The following SPEF2 variants were observed in gnomAD, a reference collection of about 807,000 sequenced individuals.
The protein encoded by SPEF2 is sperm flagella and cilia-associated protein 2.
A neutral mutation model predicts 224.6 loss-of-function variants in SPEF2; 187 were observed. That is an observed-to-expected ratio of 0.83 (90% CI 0.74 to 0.94). The LOEUF is 0.94. SPEF2 is among the 40% of genes least tolerant of loss of function. The pLI is 0.00. For synonymous variants in SPEF2, 715 were observed against 707.3 expected (o/e 1.01, Z -0.17); for missense variants, 2,170 against 2,135.6 (o/e 1.02, Z -0.32).
In SPEF2 at chr5:35,705,685, G is replaced by A; in HGVS notation, c.2542G>A (p.Glu848Lys). Residue 848 changes from glutamate to lysine, a missense_variant, in exon 18 of 37, where the codon GAG (glutamate) becomes AAG (lysine). Transcript: ENST00000356031. ...IGFLDNWPLL[E>K]QWFSEPENIL... The stretch of plus-strand genomic sequence containing the variant: ...CTTCTTGGACAACTGGCCTTTATTG[G>A]AGCAATGGTTTTCAGAGCCAGAAAA... 1.3e-6 allele frequency: 2 copies of A among 1,592,602 alleles called. No individual in the cohort carries two copies. Among genetic ancestry groups the A allele is most frequent in the Non-Finnish European group, 1.7e-6 (2 of 1,173,750 alleles).
chr5:35,790,243 C>T, intron 30 of SPEF2: 1 of 662,190 alleles, frequency 1.5e-6, no homozygotes, highest in Middle Eastern at 2.6e-4. Flanking sequence ...CAGTTGAATT[C>T]TCCAGACATT....
rs1259669970 is a variant in SPEF2, at chr5:35,759,732, A to G, written c.3620+13A>G. On this transcript the variant is annotated intron_variant, in intron 25 of 36. Coordinates refer to ENST00000356031, the MANE Select transcript of SPEF2 (RefSeq NM_024867.4). ...AAAGCCAGCTTAGGTAAGGCAGGCT[A>G]TTATATCACACTGTAATTGTTTTGA... The G allele has an allele frequency of 6.5e-7, 1 of 1,543,758 alleles. No individual in the cohort carries two copies. The highest frequency in any genetic ancestry group is 1.8e-5 in the Admixed American group (1 of 56,194).
intron 34 of SPEF2, among the ~76,000 whole-genome samples, chr5:35,803,309 A>G (rs1256928110): frequency 6.6e-6 from 1 of 152,218 alleles, no homozygotes; most frequent in Non-Finnish European, 1.5e-5. Context: ...TGAGGCTGGC[A>G]GCCAGGCTAG....
intron 34 of SPEF2, among the ~76,000 whole-genome samples, chr5:35,805,429 G>A (rs937055480): frequency 6.6e-6 from 1 of 152,062 alleles, no homozygotes; most frequent in Non-Finnish European, 1.5e-5. Context: ...TTAGAAAGAG[G>A]TTGCACAATC....
At chr5:35,715,117 A>C (rs1742281237) in intron 20 of SPEF2, among the ~76,000 whole-genome samples, 2 of 151,956 alleles carry the variant, frequency 1.3e-5, no homozygotes, top group African/African-American at 2.4e-5. Context: ...GGGTTTCAGC[A>C]TGTTGCCCAA....
chr5:35,741,742 C>A (rs1747681064), intron 23 of SPEF2, among the ~76,000 whole-genome samples: 1 of 152,160 alleles, frequency 6.6e-6, no homozygotes, highest in South Asian at 2.1e-4. Flanking sequence ...TTCAAATGTC[C>A]TGGTAAAATT....
chr5:35,698,004 A>T, intron 15 of SPEF2: 1 of 380,042 alleles, frequency 2.6e-6, no homozygotes, highest in Non-Finnish European at 4.7e-6. Flanking sequence ...GACTTCTTTT[A>T]CCCAGATGTG....
chr5:35,698,987 G>A (rs1428024138), intron 15 of SPEF2: 1 of 152,106 alleles, frequency 6.6e-6, no homozygotes, highest in Non-Finnish European at 1.5e-5. Context: ...CCAAGCTCTG[G>A]ACAAGTTATA....
At chr5:35,754,396 G>A (rs1471950325) in intron 24 of SPEF2, among the ~76,000 whole-genome samples, 1 of 152,166 alleles carries the variant, frequency 6.6e-6, no homozygotes, top group Non-Finnish European at 1.5e-5. Context: ...GTAGGTTAGA[G>A]GGTATGGGTC....
chr5:35,811,215 A>G (rs1758511729), intron 36 of SPEF2, among the ~76,000 whole-genome samples: 3 of 152,208 alleles, frequency 2.0e-5, no homozygotes. Flanking sequence ...ATCCATGTAC[A>G]AGTAAATAGA....
At chr5:35,635,084 G>T (rs755116098) in intron 2 of SPEF2, among the ~76,000 whole-genome samples, 20 of 151,876 alleles carry the variant, frequency 1.3e-4, no homozygotes, top group Non-Finnish European at 1.9e-4. Flanking sequence ...GATTAGAGTG[G>T]ATGTATGTGT....
chr5:35,705,304 C>T (rs1397354137), intron 17 of SPEF2, among the ~76,000 whole-genome samples: 1 of 151,888 alleles, frequency 6.6e-6, no homozygotes, highest in African/African-American at 2.4e-5. Context: ...AAATAGATGG[C>T]CTAGGTGCAT....
chr5:35,647,398 T>C (rs570101778), intron 5 of SPEF2, among the ~76,000 whole-genome samples: 108 of 151,750 alleles, frequency 7.1e-4, no homozygotes, highest in Non-Finnish European at 1.1e-3. Context: ...TGGGAATTGA[T>C]AGAGTCAGAA....
intron 36 of SPEF2, chr5:35,807,728 C>G (rs1410236048): frequency 6.5e-7 from 1 of 1,536,020 alleles, no homozygotes; most frequent in Non-Finnish European, 8.7e-7. Flanking sequence ...GATGGAGAAA[C>G]TAAGGACAAA....
chr5:35,811,264 T>A (rs1007846914), intron 36 of SPEF2, among the ~76,000 whole-genome samples: 2 of 152,124 alleles, frequency 1.3e-5, no homozygotes, highest in Non-Finnish European at 2.9e-5. Flanking sequence ...AGTGATGTCA[T>A]CTGAAGATCT....
At chr5:35,790,582 T>C (rs1755810763) in intron 30 of SPEF2, 2 of 362,758 alleles carry the variant, frequency 5.5e-6, no homozygotes, top group Non-Finnish European at 4.9e-6. Flanking sequence ...ACTTCACTTA[T>C]GTATTCCTGT....
intron 33 of SPEF2, 65 bp from the exon 34 acceptor site, chr5:35,799,903 T>C (rs756098118): frequency 6.4e-7 from 1 of 1,564,818 alleles, no homozygotes; most frequent in Non-Finnish European, 8.7e-7. Context: ...GATTCTTCAT[T>C]GCATGACTAA....
chr5:35,627,239 A>G (rs777018758), intron 1 of SPEF2, among the ~76,000 whole-genome samples: 50 of 152,224 alleles, frequency 3.3e-4, no homozygotes, highest in Non-Finnish European at 6.3e-4. Context: ...TTTACTTTAT[A>G]AGAAAAATAC....
At chr5:35,624,852 G>C (rs1298915003) in intron 1 of SPEF2, among the ~76,000 whole-genome samples, 1 of 152,138 alleles carries the variant, frequency 6.6e-6, no homozygotes, top group African/African-American at 2.4e-5. Flanking sequence ...GGCTAGGCTG[G>C]TCTCGAACTC....
Sources: allele counts gnomAD v4.1 joint callset (sites outside exome capture counted in the v4.1 genomes callset), GRCh38; gene constraint gnomAD v4.1.1; transcripts MANE v1.5; gene names NCBI Gene and HGNC (gene_info 2026-07-23, HGNC 2026-07-21).